The following COA1 variants were observed in gnomAD, a reference collection of about 807,000 sequenced individuals.
COA1 encodes cytochrome c oxidase assembly factor 1, also known as cytochrome c oxidase assembly factor 1 homolog.
In COA1, 13 loss-of-function variants were observed where a neutral mutation model predicts 16.0. The observed-to-expected ratio is 0.81, with a 90% CI of 0.53 to 1.29. The LOEUF is 1.29. Ranked by LOEUF, COA1 falls within the 50% of genes most tolerant of loss-of-function variation. The pLI is 0.00. For missense variants in COA1, 179 were observed against 177.0 expected (o/e 1.01, Z -0.06); for synonymous variants, 65 against 65.7 (o/e 0.99, Z 0.05).
chr7:43,711,947 TA>T (rs971336655), intron 1 of COA1, among the ~76,000 whole-genome samples: 1 of 152,048 alleles, frequency 6.6e-6, no homozygotes, highest in Non-Finnish European at 1.5e-5. Context: ...CTAATAACAA[TA>T]AACTCCCAAG....
At position 43,721,468 on chromosome 7, in the gene COA1, T is replaced by C. The variant is rs1171237654; in HGVS notation, c.-39+7961A>G. On this transcript the variant is annotated intron_variant, in intron 1 of 5. Transcript: ENST00000223336. ...TAAACACTAAATGCATGAGAAAGTT[T>C]ATGAATTTCTCAAAAAAAAATGAAG... Among the ~76,000 whole-genome samples the C allele has an allele frequency of 2.0e-5, 3 of 152,124 alleles. No homozygotes were observed. In the East Asian group the frequency reaches 5.8e-4, roughly 29 times the overall value.
intron 6 of COA1, among the ~76,000 whole-genome samples, chr7:43,628,474 T>C (rs894869382): frequency 2.0e-5 from 3 of 152,124 alleles, no homozygotes; most frequent in African/African-American, 7.2e-5. Flanking sequence ...AAGCTAGGAG[T>C]AGAATTGCTA....
intron 1 of COA1, among the ~76,000 whole-genome samples, chr7:43,690,307 TTTATA>T (rs1169263069): frequency 6.6e-6 from 1 of 152,122 alleles, no homozygotes; most frequent in African/African-American, 2.4e-5. Flanking sequence ...ACAAACATAG[TTTATA>T]TTATAACAGC....
chr7:43,672,423 T>A (rs2093316543), intron 1 of COA1, among the ~76,000 whole-genome samples: 1 of 152,182 alleles, frequency 6.6e-6, no homozygotes, highest in Admixed American at 6.5e-5. Flanking sequence ...AAAAACCACA[T>A]GATCATCCCC....
chr7:43,619,166 G>C (rs1443050496), intron 6 of COA1, among the ~76,000 whole-genome samples: 2 of 152,198 alleles, frequency 1.3e-5, no homozygotes, highest in Non-Finnish European at 2.9e-5. Flanking sequence ...GATTATTGAA[G>C]TTATTGTGAC....
chr7:43,683,806 G>A (rs1162745124), intron 1 of COA1, among the ~76,000 whole-genome samples: 3 of 152,106 alleles, frequency 2.0e-5, no homozygotes, highest in Admixed American at 1.3e-4. Flanking sequence ...GGACACAAAA[G>A]TCAAGAATTT....
intron 1 of COA1, among the ~76,000 whole-genome samples, chr7:43,652,947 A>C (rs1453428737): frequency 6.6e-6 from 1 of 152,200 alleles, no homozygotes; most frequent in African/African-American, 2.4e-5. Context: ...TGAAAAAAGT[A>C]AGGCAATATA....
chr7:43,677,656 G>A (rs953197135), intron 1 of COA1, among the ~76,000 whole-genome samples: 7 of 152,012 alleles, frequency 4.6e-5, no homozygotes, highest in Non-Finnish European at 1.0e-4. Flanking sequence ...AAAATTAGCT[G>A]GGTGTGGTGG....
chr7:43,669,701 G>T (rs1584755683), intron 1 of COA1, among the ~76,000 whole-genome samples: 2 of 151,670 alleles, frequency 1.3e-5, no homozygotes, highest in African/African-American at 4.8e-5. Context: ...TTGTACAGGG[G>T]AGCTGTTTTC....
intron 1 of COA1, among the ~76,000 whole-genome samples, chr7:43,707,348 T>G (rs546021444): frequency 6.6e-6 from 1 of 152,334 alleles, no homozygotes; most frequent in African/African-American, 2.4e-5. Context: ...TTACTGGGTA[T>G]TAAAAACTGA....
At position 43,691,278 on chromosome 7, in the gene COA1, AAAG is replaced by A. The variant is rs1243241385; in HGVS notation, c.-39+38148_-39+38150del. ...AAAGAAAGAAAGAAAAGAAAGAAAGAAAGAAAGAAAGAAAGAAAGAAAGAAAGA... is the reference window on the plus strand; with the variant it reads ...AAAGAAAGAAAGAAAAGAAAGAAAGAAAAGAAAGAAAGAAAGAAAGAAAGA... On this transcript the variant is annotated intron_variant, in intron 1 of 5. Transcript: ENST00000223336. Among the ~76,000 whole-genome samples, 312 of 34,848 alleles carry A rather than the reference AAAG, an allele frequency of 9.0e-3. 5 individuals carry two copies. The highest frequency in any genetic ancestry group is 0.013 in the African/African-American group (125 of 9,304). The allele number at this position is 34,848 out of a possible 152,430, so 22.9% of individuals were successfully genotyped here.
At chr7:43,699,744 A>T (rs1042433090) in intron 1 of COA1, among the ~76,000 whole-genome samples, 1 of 152,198 alleles carries the variant, frequency 6.6e-6, no homozygotes, top group African/African-American at 2.4e-5. Flanking sequence ...TCATTTCAGA[A>T]CTAGAGCTAT....
chr7:43,722,386 C>T (rs930946981), intron 1 of COA1, among the ~76,000 whole-genome samples: 1 of 152,032 alleles, frequency 6.6e-6, no homozygotes, highest in South Asian at 2.1e-4. Context: ...TGAGCCACCA[C>T]GCCTGGCTAG....
At chr7:43,637,713 A>G (rs1350100906), downstream of COA1, among the ~76,000 whole-genome samples, 1 of 152,236 alleles carries the variant, frequency 6.6e-6, no homozygotes, top group African/African-American at 2.4e-5. Flanking sequence ...TGTGAACAGA[A>G]AAAATACCCG....
intron 6 of COA1, chr7:43,609,535 G>C (rs1030761593): frequency 6.6e-6 from 1 of 152,198 alleles, no homozygotes; most frequent in Non-Finnish European, 1.5e-5. Context: ...GACAATAAAG[G>C]TCCACTATGA....
intron 1 of COA1, among the ~76,000 whole-genome samples, chr7:43,691,421 A>AAGAAAG (rs1554542664): frequency 8.0e-5 from 7 of 87,460 alleles, no homozygotes; most frequent in Admixed American, 1.2e-4. Context: ...GGAAGAAAGA[A>AAGAAAG]AAAGAAAGAA....
chr7:43,721,951 T>C lies in COA1; in HGVS notation c.-39+7478A>G, dbSNP rs190248555. ...TCTAATGTAATACTGCATGCTGACA[T>C]ACTTAAATATGGATGTAGAAGTGTT... On this transcript the variant is annotated intron_variant, in intron 1 of 5. Coordinates refer to ENST00000223336, the MANE Select transcript of COA1 (RefSeq NM_018224.4). 3.9e-5 allele frequency among the ~76,000 whole-genome samples: 6 copies of C among 152,282 alleles called. No homozygotes were observed. In the East Asian group the frequency reaches 1.2e-3, roughly 29 times the overall value.
At chr7:43,619,586 T>C in intron 6 of COA1, 1 of 1,611,122 alleles carries the variant, frequency 6.2e-7, no homozygotes, top group African/African-American at 1.3e-5. Flanking sequence ...CGGGGGTGTA[T>C]TTTCTTTTAG....
At chr7:43,662,577 G>A (rs1371844128) in intron 1 of COA1, among the ~76,000 whole-genome samples, 1 of 152,206 alleles carries the variant, frequency 6.6e-6, no homozygotes, top group East Asian at 1.9e-4. Flanking sequence ...CAGATTGAAT[G>A]CAGAAGCAGG....
Sources: gnomAD v4.1 joint callset for allele counts (sites outside exome capture counted in the v4.1 genomes callset) on GRCh38, gnomAD v4.1.1 for gene constraint, MANE v1.5 for transcripts, NCBI Gene and HGNC (gene_info 2026-07-23, HGNC 2026-07-21) for gene names.